The following NOL4L variants were observed in gnomAD, a reference collection of about 807,000 sequenced individuals.
NOL4L encodes the protein nucleolar protein 4 like.
A neutral mutation model predicts 64.5 loss-of-function variants in NOL4L; 7 were observed. That is an observed-to-expected ratio of 0.11 (90% CI 0.06 to 0.20). The LOEUF (loss-of-function observed/expected upper bound fraction) is 0.20, where lower values mean the gene tolerates loss of function less well. NOL4L is among the 10% of genes least tolerant of loss of function. The pLI is 1.00. For synonymous variants in NOL4L, 413 were observed against 401.0 expected (o/e 1.03, Z -0.36); for missense variants, 680 against 967.1 (o/e 0.70, Z 3.94).
chr20:32,447,489 T>G lies in NOL4L; in HGVS notation c.*107A>C. The G allele has an allele frequency of 1.4e-6, 2 of 1,444,870 alleles. No individual in the cohort carries two copies. The highest frequency in any genetic ancestry group is 2.7e-5 in the South Asian group (2 of 72,828). 89.5% of individuals were successfully genotyped at this position (1,444,870 alleles called of 1,614,324 possible). On this transcript the variant is annotated 3_prime_UTR_variant, in exon 11 of 11. Coordinates refer to ENST00000621426, the MANE Select transcript of NOL4L (RefSeq NM_001256798.2). ...TGTGGCTAGAAACAGCTCTTTTGGA[T>G]CCCACCTCTTTCAAAAACAAAATGT...
At chr20:32,583,840 C>T (rs1278290003) in intron 1 of NOL4L, among the ~76,000 whole-genome samples, 9 of 148,414 alleles carry the variant, frequency 6.1e-5, no homozygotes, top group Non-Finnish European at 1.2e-4. Flanking sequence ...CCGGGCCGGC[C>T]CGGGGGACGG....
At chr20:32,510,325 T>C in intron 4 of NOL4L, 1 of 259,746 alleles carries the variant, frequency 3.8e-6, no homozygotes, top group East Asian at 8.9e-5. Flanking sequence ...TTGAAAGGAA[T>C]ACGCAGCTCT....
chr20:32,494,943 C>G (rs1305218581), intron 4 of NOL4L, among the ~76,000 whole-genome samples: 1 of 147,992 alleles, frequency 6.8e-6, no homozygotes, highest in African/African-American at 2.7e-5. Flanking sequence ...GGCTTATTCA[C>G]ATGGCTCCTG....
chr20:32,564,216 A>G (rs1370333405), intron 1 of NOL4L, among the ~76,000 whole-genome samples: 1 of 152,338 alleles, frequency 6.6e-6, no homozygotes, highest in African/African-American at 2.4e-5. Flanking sequence ...AGAAGAGACC[A>G]TTAACGTGGC....
In NOL4L at chr20:32,456,136, C is replaced by T; in HGVS notation, c.1101G>A (p.Gly367=). 2 of 1,546,668 alleles carry T rather than the reference C, an allele frequency of 1.3e-6. No homozygotes were observed. The highest frequency in any genetic ancestry group is 2.5e-5 in the South Asian group (2 of 81,252). The part of the protein sequence containing the change: ...ADGLRSRVKY[G]VKTTPESPPY... The stretch of plus-strand genomic sequence containing the variant: ...CACACACCTCGGGGGTGGTCTTCAC[C>T]CCGTATTTGACGCGGCTCCGCAGCC... Residue 367 remains glycine (G), a synonymous_variant, in exon 6 of 11, where the codon GGG becomes GGA. Transcript: ENST00000621426.
chr20:32,487,934 A>ATTTTT (rs36085049), intron 4 of NOL4L, among the ~76,000 whole-genome samples: 159 of 105,984 alleles, frequency 1.5e-3, no homozygotes, highest in African/African-American at 5.5e-3. Flanking sequence ...TGTTGGTTTT[A>ATTTTT]TTTTTTTTTT....
intron 1 of NOL4L, among the ~76,000 whole-genome samples, chr20:32,584,106 C>A (rs1384587324): frequency 5.1e-4 from 71 of 140,468 alleles, no homozygotes; most frequent in African/African-American, 1.7e-3. Context: ...CCCCCCCCCC[C>A]ACCCCGCGGC....
intron 3 of NOL4L, among the ~76,000 whole-genome samples, chr20:32,518,736 C>T (rs940768069): frequency 1.3e-5 from 2 of 152,226 alleles, no homozygotes; most frequent in African/African-American, 4.8e-5. Flanking sequence ...CAGGCAGTCA[C>T]CACTAGGACA....
chr20:32,446,735 T>TG lies in NOL4L; in HGVS notation c.*860dup, dbSNP rs146233818. On this transcript the variant is annotated 3_prime_UTR_variant, in exon 11 of 11. Coordinates refer to ENST00000621426, the MANE Select transcript of NOL4L (RefSeq NM_001256798.2). ...AGGCAGACACATTGTGTGGGGGAGT[T>TG]GGGGTTACAGCTGTTCAGAACAGGC... 0.064 allele frequency: 10,027 copies of TG among 156,936 alleles called. 1,131 individuals carry two copies. Among genetic ancestry groups the TG allele is most frequent in the African/African-American group, 0.23 (9,416 of 41,544 alleles). The allele number at this position is 156,936 out of a possible 1,614,324, so 9.7% of individuals were successfully genotyped here.
intron 10 of NOL4L, among the ~76,000 whole-genome samples, chr20:32,449,009 C>G (rs1219146124): frequency 6.6e-6 from 1 of 152,258 alleles, no homozygotes; most frequent in Non-Finnish European, 1.5e-5. Flanking sequence ...GCCTGACTGC[C>G]TAGACTGGCC....
chr20:32,552,174 G>A (rs1978340301), intron 1 of NOL4L, among the ~76,000 whole-genome samples: 1 of 151,914 alleles, frequency 6.6e-6, no homozygotes, highest in South Asian at 2.1e-4. Context: ...GCAACCTATG[G>A]AACAATGTAC....
intron 4 of NOL4L, among the ~76,000 whole-genome samples, chr20:32,500,352 ATTTT>A (rs778704594): frequency 1.5e-5 from 2 of 132,424 alleles, no homozygotes; most frequent in Non-Finnish European, 1.6e-5. Context: ...GCCCAGCCAG[ATTTT>A]TTTTTTTTTT....
chr20:32,536,726 A>G (rs1009619674), intron 1 of NOL4L, among the ~76,000 whole-genome samples: 1 of 141,750 alleles, frequency 7.1e-6, no homozygotes, highest in African/African-American at 2.6e-5. Context: ...CTGACTTTCC[A>G]TTCTCACACA....
At chr20:32,532,880 G>C (rs2018394367) in intron 1 of NOL4L, among the ~76,000 whole-genome samples, 1 of 152,194 alleles carries the variant, frequency 6.6e-6, no homozygotes. Context: ...GGGCCTTCCT[G>C]CATGGAGAAG....
intron 4 of NOL4L, chr20:32,511,111 A>C: frequency 2.7e-6 from 1 of 369,646 alleles, no homozygotes. Flanking sequence ...GAGCCCACCC[A>C]AGGGGAAAGT....
chr20:32,458,904 T>C (rs2013793607), intron 5 of NOL4L, among the ~76,000 whole-genome samples: 1 of 152,180 alleles, frequency 6.6e-6, no homozygotes, highest in Non-Finnish European at 1.5e-5. Flanking sequence ...CACTGTGAGC[T>C]CCAGAGACAC....
intron 1 of NOL4L, among the ~76,000 whole-genome samples, chr20:32,575,910 C>A (rs962516066): frequency 6.6e-6 from 1 of 152,134 alleles, no homozygotes; most frequent in African/African-American, 2.4e-5. Flanking sequence ...GAAGAGCTGG[C>A]CATGCAGAGA....
intron 4 of NOL4L, chr20:32,475,391 A>G: frequency 1.0e-6 from 1 of 973,764 alleles, no homozygotes; most frequent in South Asian, 4.8e-5. Flanking sequence ...CAGGGTTCGG[A>G]CCAGACCGCA....
chr20:32,565,132 CA>C (rs1979343667), intron 1 of NOL4L: 2 of 152,344 alleles, frequency 1.3e-5, no homozygotes, highest in South Asian at 4.1e-4. Context: ...GAGAAGCTGA[CA>C]GGGGCGTGCA....
Sources: allele counts gnomAD v4.1 joint callset (sites outside exome capture counted in the v4.1 genomes callset), GRCh38; gene constraint gnomAD v4.1.1; transcripts MANE v1.5; gene names NCBI Gene and HGNC (gene_info 2026-07-23, HGNC 2026-07-21).